PPP2R2C: variants seen among roughly 807,000 people sequenced by gnomAD.
PPP2R2C encodes protein phosphatase 2 regulatory subunit Bgamma, also known as protein phosphatase 2, regulatory subunit B, gamma.
Under a neutral mutation model 45.3 loss-of-function variants are expected in PPP2R2C, and 10 were observed. That is an observed-to-expected ratio of 0.22 (90% CI 0.14 to 0.37). PPP2R2C has a LOEUF of 0.37. PPP2R2C is among the 10% of genes least tolerant of loss of function. The pLI, the probability that PPP2R2C is intolerant of heterozygous loss-of-function variation, is 1.00. For missense variants in PPP2R2C, 308 were observed against 619.7 expected, an observed-to-expected ratio of 0.50 and a Z score of 5.34; for synonymous variants, 257 against 245.4, an observed-to-expected ratio of 1.05 and a Z score of -0.44.
At chr4:6,436,015 T>C (rs1056758855) in intron 1 of PPP2R2C, among the ~76,000 whole-genome samples, 1 of 152,186 alleles carries the variant, frequency 6.6e-6, no homozygotes, top group Non-Finnish European at 1.5e-5. Flanking sequence ...GGTGGAGTGC[T>C]CATGAATGGG....
chr4:6,397,923 G>C (rs1471153189), intron 1 of PPP2R2C, among the ~76,000 whole-genome samples: 2 of 152,240 alleles, frequency 1.3e-5, no homozygotes, highest in African/African-American at 4.8e-5. Context: ...GATACAGACA[G>C]TGTGGTCCTG....
chr4:6,562,146 G>A (rs879822500), intron 1 of PPP2R2C, among the ~76,000 whole-genome samples: 14 of 152,184 alleles, frequency 9.2e-5, no homozygotes, highest in South Asian at 8.3e-4. Flanking sequence ...ATGAGCAGGC[G>A]ACCAGGGCGT....
chr4:6,408,278 A>C (rs576945897), intron 1 of PPP2R2C, among the ~76,000 whole-genome samples: 2 of 152,178 alleles, frequency 1.3e-5, no homozygotes, highest in African/African-American at 4.8e-5. Context: ...CCAGGGGCCA[A>C]ATGTTAGATG....
chr4:6,442,937 T>TC (rs1720225624), intron 1 of PPP2R2C, among the ~76,000 whole-genome samples: 1 of 152,112 alleles, frequency 6.6e-6, no homozygotes. Context: ...GGGCACCCAT[T>TC]CCCCCCATCA....
intron 1 of PPP2R2C, among the ~76,000 whole-genome samples, chr4:6,430,401 G>A (rs1031484848): frequency 6.6e-6 from 1 of 152,172 alleles, no homozygotes; most frequent in South Asian, 2.1e-4. Context: ...TGGTATCAGC[G>A]AGAAGCCAAA....
chr4:6,516,410 C>T (rs1391384428), intron 2 of PPP2R2C, among the ~76,000 whole-genome samples: 1 of 152,252 alleles, frequency 6.6e-6, no homozygotes, highest in Non-Finnish European at 1.5e-5. Context: ...GTGAGGACCA[C>T]CACTCCTCTG....
intron 1 of PPP2R2C, chr4:6,381,838 C>A (rs1331804073): frequency 1.9e-6 from 3 of 1,613,866 alleles, no homozygotes; most frequent in Non-Finnish European, 2.5e-6. Context: ...AGAAAAAAGA[C>A]AGCCCCATCT....
At chr4:6,476,595 A>G (rs1019039918), upstream of PPP2R2C, among the ~76,000 whole-genome samples, 2 of 152,220 alleles carry the variant, frequency 1.3e-5, no homozygotes, top group Non-Finnish European at 2.9e-5. Context: ...TTACTGTGAA[A>G]AATAGATTGT....
At chr4:6,478,280 C>T (rs965379159) in intron 2 of PPP2R2C, among the ~76,000 whole-genome samples, 6 of 152,240 alleles carry the variant, frequency 3.9e-5, no homozygotes, top group African/African-American at 1.4e-4. Flanking sequence ...TCCTGCTTCT[C>T]GCCTCCTTCT....
intron 2 of PPP2R2C, among the ~76,000 whole-genome samples, chr4:6,499,611 T>C (rs1305607806): frequency 6.6e-6 from 1 of 152,174 alleles, no homozygotes; most frequent in African/African-American, 2.4e-5. Flanking sequence ...TTCTGCCTAA[T>C]GGGTCATCTA....
At chr4:6,440,230 T>C (rs1043293034) in intron 1 of PPP2R2C, among the ~76,000 whole-genome samples, 8 of 152,240 alleles carry the variant, frequency 5.3e-5, no homozygotes, top group Non-Finnish European at 1.2e-4. Flanking sequence ...GATACATACA[T>C]GTTGGATGCG....
At chr4:6,350,455 C>G (rs986684223) in intron 5 of PPP2R2C, 1 of 985,308 alleles carries the variant, frequency 1.0e-6, no homozygotes, top group African/African-American at 1.7e-5. Context: ...CTCTGCACAC[C>G]CTGAGACACA....
intron 1 of PPP2R2C, among the ~76,000 whole-genome samples, chr4:6,439,023 G>C (rs1720024412): frequency 6.6e-6 from 1 of 152,210 alleles, no homozygotes; most frequent in African/African-American, 2.4e-5. Flanking sequence ...AACAGTGCCA[G>C]AGATGTGGAA....
At chr4:6,362,947 T>C (rs776330445) in intron 5 of PPP2R2C, among the ~76,000 whole-genome samples, 1 of 152,012 alleles carries the variant, frequency 6.6e-6, no homozygotes, top group Non-Finnish European at 1.5e-5. Flanking sequence ...TCCTCATCTG[T>C]AAAAGGGGGA....
At chr4:6,479,886 T>C (rs1388802163) in intron 2 of PPP2R2C, among the ~76,000 whole-genome samples, 1 of 152,184 alleles carries the variant, frequency 6.6e-6, no homozygotes, top group Non-Finnish European at 1.5e-5. Flanking sequence ...TTTTATTTTA[T>C]TTTTTGTAGA....
chr4:6,448,763 C>A (rs2108743372), intron 1 of PPP2R2C, among the ~76,000 whole-genome samples: 1 of 152,318 alleles, frequency 6.6e-6, no homozygotes, highest in Non-Finnish European at 1.5e-5. Flanking sequence ...CTGTGCCTGG[C>A]TGTCCTCCTC....
At chr4:6,392,505 CAG>C (rs1716716216) in intron 1 of PPP2R2C, among the ~76,000 whole-genome samples, 1 of 152,162 alleles carries the variant, frequency 6.6e-6, no homozygotes, top group Non-Finnish European at 1.5e-5. Context: ...CGCATTTGAG[CAG>C]AGACCTGAAG....
At chr4:6,351,015 A>G (rs1712501702) in intron 5 of PPP2R2C, 6 of 985,254 alleles carry the variant, frequency 6.1e-6, no homozygotes, top group Non-Finnish European at 7.2e-6. Flanking sequence ...TTTTCAAAGT[A>G]TGTAGGAGGC....
intron 2 of PPP2R2C, among the ~76,000 whole-genome samples, chr4:6,524,080 A>G (rs1422628138): frequency 7.1e-6 from 1 of 141,608 alleles, no homozygotes; most frequent in Non-Finnish European, 1.6e-5. Flanking sequence ...GGCCTGGCTA[A>G]TTTTGTATTT....
Sources: gnomAD v4.1 joint callset for allele counts (sites outside exome capture counted in the v4.1 genomes callset) on GRCh38, gnomAD v4.1.1 for gene constraint, MANE v1.5 for transcripts, NCBI Gene and HGNC (gene_info 2026-07-23, HGNC 2026-07-21) for gene names.